Variants in COL27A1 observed in about 807,000 individuals in gnomAD.
COL27A1 encodes the protein collagen type XXVII alpha 1 chain, also known as collagen alpha-1(XXVII) chain.
In COL27A1, 106 loss-of-function variants were observed where a neutral mutation model predicts 251.3. That is an observed-to-expected ratio of 0.42 (90% CI 0.36 to 0.50). The LOEUF (loss-of-function observed/expected upper bound fraction) is 0.50, where lower values mean the gene tolerates loss of function less well. COL27A1 is among the 20% of genes least tolerant of loss of function. The pLI, the probability that COL27A1 is intolerant of heterozygous loss-of-function variation, is 0.00. For synonymous variants in COL27A1, 1,000 were observed against 986.3 expected (o/e 1.01, Z -0.26); for missense variants, 2,325 against 2,522.8 (o/e 0.92, Z 1.68).
chr9:114,282,219 G>T, intron 37 of COL27A1, 58 bp from the exon 38 acceptor site: 1 of 1,524,092 alleles, frequency 6.6e-7, no homozygotes, highest in Non-Finnish European at 9.1e-7. Flanking sequence ...TTGCGGATCC[G>T]CCTCAGTTTC....
At chr9:114,255,713 C>T (rs1833871408) in intron 27 of COL27A1, among the ~76,000 whole-genome samples, 1 of 152,172 alleles carries the variant, frequency 6.6e-6, no homozygotes, top group East Asian at 1.9e-4. Context: ...CCAAGGTTGC[C>T]ATGGTCCCCC....
At chr9:114,245,120 G>A (rs998899348) in intron 23 of COL27A1, among the ~76,000 whole-genome samples, 1 of 150,726 alleles carries the variant, frequency 6.6e-6, no homozygotes, top group Non-Finnish European at 1.5e-5. Context: ...AGATAGGGCA[G>A]CCTGATGCAG....
At chr9:114,303,607 A>G (rs191072747) in intron 56 of COL27A1, among the ~76,000 whole-genome samples, 1 of 152,160 alleles carries the variant, frequency 6.6e-6, no homozygotes, top group Non-Finnish European at 1.5e-5. Context: ...TTTTATTATC[A>G]GGTCCATTTT....
At chr9:114,154,999 C>A (rs142860000), upstream of COL27A1, among the ~76,000 whole-genome samples, 662 of 151,810 alleles carry the variant, frequency 4.4e-3, 2 homozygotes, top group Non-Finnish European at 7.5e-3. The surrounding 1 kb of genome is among the most constrained non-coding windows in gnomAD (Gnocchi z 5.8). Flanking sequence ...TGGTGGGGTG[C>A]GGTTAGATTC....
rs1366300444 is a variant in COL27A1 at position 114,167,578 on chromosome 9, A to G, written c.134-111A>G. On this transcript the variant is annotated intron_variant, in intron 2 of 60. Transcript: ENST00000356083. Reference sequence around the variant, plus strand: ...TTTTTAGATGAATGAACAAAGGACCAGGTAGCTGTGGGTGGACGGTCCACA... The same window carrying G: ...TTTTTAGATGAATGAACAAAGGACCGGGTAGCTGTGGGTGGACGGTCCACA... The G allele has an allele frequency of 4.7e-6, 4 of 858,284 alleles. No individual in the cohort carries two copies. In the South Asian group the frequency reaches 6.5e-5, roughly 14 times the overall value. The allele number at this position is 858,284 out of a possible 1,614,324, so 53.2% of individuals were successfully genotyped here. A position where few individuals can be genotyped will look rare whatever the true frequency, so the allele number is the denominator to read the frequency against.
At chr9:114,207,481 T>C (rs1291474600) in intron 10 of COL27A1, among the ~76,000 whole-genome samples, 1 of 152,180 alleles carries the variant, frequency 6.6e-6, no homozygotes, top group East Asian at 1.9e-4. Flanking sequence ...CCAGTCCTGA[T>C]CTCCTGACCT....
chr9:114,200,949 G>A (rs996022297), intron 7 of COL27A1, among the ~76,000 whole-genome samples: 1 of 151,898 alleles, frequency 6.6e-6, no homozygotes, highest in Non-Finnish European at 1.5e-5. Flanking sequence ...GCCGATGTCT[G>A]AGTACATATG....
At chr9:114,295,949 G>C (rs1828231469) in intron 49 of COL27A1, among the ~76,000 whole-genome samples, 1 of 152,140 alleles carries the variant, frequency 6.6e-6, no homozygotes, top group African/African-American at 2.4e-5. Context: ...ACCCGGCCTG[G>C]ACAACTGATT....
intron 2 of COL27A1, among the ~76,000 whole-genome samples, chr9:114,163,422 T>G (rs1848628980): frequency 1.4e-5 from 2 of 146,280 alleles, no homozygotes; most frequent in Non-Finnish European, 3.0e-5. Context: ...AAAAAAGGCA[T>G]TAAGCATTAA....
At chr9:114,283,472 GC>G (rs1836056273) in intron 39 of COL27A1, among the ~76,000 whole-genome samples, 1 of 151,626 alleles carries the variant, frequency 6.6e-6, no homozygotes, top group African/African-American at 2.4e-5. Flanking sequence ...TGAAAATTTA[GC>G]AATCAGCTGT....
chr9:114,228,883 G>A (rs533501365), intron 14 of COL27A1, among the ~76,000 whole-genome samples: 5 of 151,954 alleles, frequency 3.3e-5, no homozygotes, highest in South Asian at 2.1e-4. Context: ...GTTCAATGAC[G>A]CTATCACAGC....
chr9:114,212,618 C>T (rs1397235052), intron 12 of COL27A1, among the ~76,000 whole-genome samples: 2 of 152,224 alleles, frequency 1.3e-5, no homozygotes, highest in Non-Finnish European at 2.9e-5. Context: ...TGAAGAATCT[C>T]AATGAGGTAA....
In COL27A1 at chr9:114,251,701, A is replaced by C. The variant is rs115216345; in HGVS notation, c.3034-892A>C. ...ATTGACTGCGCCATTCCCTTAGCCA[A>C]ATGCTTTCTTCCCATTGCCATCTGC... On this transcript the variant is annotated intron_variant, in intron 25 of 60. Transcript: ENST00000356083. Among the ~76,000 whole-genome samples the C allele has an allele frequency of 6.8e-3, 1,032 of 152,170 alleles. 13 individuals carry two copies. Among genetic ancestry groups the C allele is most frequent in the African/African-American group, 0.024 (990 of 41,524 alleles).
chr9:114,288,578 AGAGG>A (rs1166421674), intron 42 of COL27A1, 67 bp downstream of exon 42: 1 of 1,554,488 alleles, frequency 6.4e-7, no homozygotes, highest in African/African-American at 1.4e-5. Context: ...CGCTGCATGG[AGAGG>A]GGTGGGCCGA....
chr9:114,186,482 A>T (rs928235194), intron 5 of COL27A1, among the ~76,000 whole-genome samples: 1 of 152,158 alleles, frequency 6.6e-6, no homozygotes, highest in African/African-American at 2.4e-5. Context: ...TTACACCATG[A>T]TTAGGTCTCT....
At chr9:114,210,866 C>A in intron 11 of COL27A1, 116 bp from the exon 12 acceptor site, 1 of 1,015,342 alleles carries the variant, frequency 9.8e-7, no homozygotes, top group South Asian at 1.4e-5. Context: ...GCAAGTGGCA[C>A]ACATTCCAGG....
chr9:114,245,739 C>A, intron 23 of COL27A1, 127 bp from the exon 24 acceptor site: 1 of 871,560 alleles, frequency 1.1e-6, no homozygotes, highest in Non-Finnish European at 1.9e-6. Context: ...CAAGGCCACA[C>A]ACTGGAGATA....
intron 41 of COL27A1, 30 bp downstream of exon 41, chr9:114,284,807 C>A: frequency 6.2e-7 from 1 of 1,613,074 alleles, no homozygotes; most frequent in Non-Finnish European, 8.5e-7. Flanking sequence ...AAAGCAGCTG[C>A]ACCCTCGTGT....
Position 114,168,290 on chromosome 9 carries a change from A to T in COL27A1, c.735A>T (p.Pro245=), listed in dbSNP as rs1410316973. 3.7e-5 allele frequency: 59 copies of T among 1,613,578 alleles called. No homozygotes were observed. The highest frequency in any genetic ancestry group is 4.9e-5 in the Non-Finnish European group (58 of 1,180,008). ...QCGQADTYQS[P]LGPLFSQDSG... ...GACAGGCTGACACGTACCAGTCCCC[A>T]CTGGGACCTCTCTTCTCCCAAGACT... Residue 245 remains proline (P), a synonymous_variant, in exon 3 of 61, where the codon CCA becomes CCT. Coordinates refer to ENST00000356083, the MANE Select transcript of COL27A1 (RefSeq NM_032888.4).
Sources: gnomAD v4.1 joint callset for allele counts (sites outside exome capture counted in the v4.1 genomes callset) on GRCh38, gnomAD v4.1.1 for gene constraint, Gnocchi (gnomAD v3.1) non-coding constraint, MANE v1.5 for transcripts, NCBI Gene and HGNC (gene_info 2026-07-23, HGNC 2026-07-21) for gene names.